Variants in SSBP2 observed in about 807,000 individuals in gnomAD.
SSBP2 encodes single-stranded DNA-binding protein 2.
A neutral mutation model predicts 61.8 loss-of-function variants in SSBP2; 17 were observed. The ratio of observed to expected loss-of-function variants is 0.28; its 90% CI spans 0.19 to 0.41. The LOEUF (loss-of-function observed/expected upper bound fraction) is 0.41. SSBP2 is among the 10% of genes least tolerant of loss of function. SSBP2 has a pLI of 1.00. For synonymous variants in SSBP2, 139 were observed against 141.3 expected (o/e 0.98, Z 0.12); for missense variants, 310 against 458.7 (o/e 0.68, Z 2.96).
chr5:81,476,194 T>G (rs1172328852), intron 6 of SSBP2, among the ~76,000 whole-genome samples: 1 of 152,074 alleles, frequency 6.6e-6, no homozygotes, highest in Non-Finnish European at 1.5e-5. Flanking sequence ...ATTCCCCCAA[T>G]AAGAATATTT....
intron 2 of SSBP2, among the ~76,000 whole-genome samples, chr5:81,645,760 A>C (rs553226250): frequency 1.3e-5 from 2 of 152,308 alleles, no homozygotes; most frequent in South Asian, 2.1e-4. Context: ...TGTATTGAGA[A>C]TATCTCTAAA....
At chr5:81,422,045 G>C (rs879465692) in intron 16 of SSBP2, among the ~76,000 whole-genome samples, 1 of 152,000 alleles carries the variant, frequency 6.6e-6, no homozygotes, top group Non-Finnish European at 1.5e-5. Flanking sequence ...TTTTTTAAAC[G>C]TTTTATTGGA....
intron 4 of SSBP2, 118 bp downstream of exon 4, chr5:81,615,355 G>C (rs1581172297): frequency 3.9e-6 from 3 of 768,208 alleles, no homozygotes; most frequent in East Asian, 5.4e-5. Context: ...AGAAAAAAGA[G>C]ACCAAACAAT....
intron 4 of SSBP2, among the ~76,000 whole-genome samples, chr5:81,565,958 G>C (rs13182474): frequency 0.39 from 59,926 of 151,926 alleles, 14,033 homozygotes; most frequent in African/African-American, 0.66. Context: ...ATTCAATTCA[G>C]AATAATGCTT....
At chr5:81,710,381 A>G (rs566856799) in intron 1 of SSBP2, among the ~76,000 whole-genome samples, 1 of 152,094 alleles carries the variant, frequency 6.6e-6, no homozygotes, top group Non-Finnish European at 1.5e-5. Flanking sequence ...CCAAAGAAAG[A>G]ATCTTGTGAT....
chr5:81,683,047 T>C (rs1752516465), intron 1 of SSBP2, among the ~76,000 whole-genome samples: 1 of 150,356 alleles, frequency 6.7e-6, no homozygotes, highest in South Asian at 2.1e-4. Flanking sequence ...ACCATGTTCA[T>C]GGAGAGGAAG....
At chr5:81,694,623 G>C (rs966771659) in intron 1 of SSBP2, among the ~76,000 whole-genome samples, 11 of 151,724 alleles carry the variant, frequency 7.3e-5, no homozygotes, top group Admixed American at 6.6e-4. Context: ...GCCCCATTCA[G>C]TCTCTATCCT....
chr5:81,526,570 C>T (rs552253072), intron 4 of SSBP2, among the ~76,000 whole-genome samples: 116 of 152,022 alleles, frequency 7.6e-4, no homozygotes, highest in African/African-American at 2.6e-3. Flanking sequence ...CAGTTGTTCA[C>T]ATAAAATGGC....
At chr5:81,582,671 A>G (rs1279623912) in intron 4 of SSBP2, among the ~76,000 whole-genome samples, 1 of 152,080 alleles carries the variant, frequency 6.6e-6, no homozygotes, top group African/African-American at 2.4e-5. Context: ...TTGGCTCACT[A>G]CAAACTCCAC....
At chr5:81,711,712 T>G (rs1754792482) in intron 1 of SSBP2, among the ~76,000 whole-genome samples, 1 of 151,904 alleles carries the variant, frequency 6.6e-6, no homozygotes, top group African/African-American at 2.4e-5. Flanking sequence ...AAATAAAACC[T>G]TTATCTCATC....
chr5:81,673,985 TAGA>T (rs1472134870), intron 1 of SSBP2, among the ~76,000 whole-genome samples: 1 of 152,158 alleles, frequency 6.6e-6, no homozygotes, highest in Non-Finnish European at 1.5e-5. Context: ...ATCCATTGAA[TAGA>T]GGTTTGAACC....
At chr5:81,636,782 T>C (rs1270679478) in intron 2 of SSBP2, among the ~76,000 whole-genome samples, 164 bp from the exon 3 acceptor site, 1 of 152,226 alleles carries the variant, frequency 6.6e-6, no homozygotes, top group East Asian at 1.9e-4. Flanking sequence ...TTACAAGTGA[T>C]TTGTTGACTG....
At chr5:81,718,883 C>T (rs988209487) in intron 1 of SSBP2, among the ~76,000 whole-genome samples, 2 of 152,044 alleles carry the variant, frequency 1.3e-5, no homozygotes, top group Admixed American at 6.6e-5. Flanking sequence ...GTTTGGACCA[C>T]GGAAATTGTA....
At chr5:81,696,752 AG>A (rs1022436501) in intron 1 of SSBP2, among the ~76,000 whole-genome samples, 2 of 152,174 alleles carry the variant, frequency 1.3e-5, no homozygotes, top group Non-Finnish European at 2.9e-5. Flanking sequence ...GGGTGGGCAG[AG>A]GGGGGCAGCA....
chr5:81,750,318 G>A (rs1757653796), intron 1 of SSBP2, among the ~76,000 whole-genome samples: 1 of 135,270 alleles, frequency 7.4e-6, no homozygotes, highest in African/African-American at 2.7e-5. Context: ...AGCTGGCCCA[G>A]GAAAGCCCGG....
At chr5:81,506,436 C>A (rs980298192) in intron 5 of SSBP2, among the ~76,000 whole-genome samples, 3 of 151,964 alleles carry the variant, frequency 2.0e-5, no homozygotes, top group Admixed American at 2.0e-4. Flanking sequence ...AGTTTCAGTA[C>A]CCTACTCATT....
chr5:81,680,060 C>G (rs1752271563), intron 1 of SSBP2, among the ~76,000 whole-genome samples: 2 of 151,674 alleles, frequency 1.3e-5, no homozygotes, highest in Admixed American at 6.6e-5. Context: ...TGAACTCAAA[C>G]AGAAACCGTT....
chr5:81,520,254 G>C (rs1358459303), intron 4 of SSBP2, among the ~76,000 whole-genome samples: 1 of 152,042 alleles, frequency 6.6e-6, no homozygotes, highest in Non-Finnish European at 1.5e-5. Context: ...CAAAGTGCTG[G>C]GATTATAGGC....
intron 3 of SSBP2, among the ~76,000 whole-genome samples, chr5:81,628,247 C>T (rs564565636): frequency 6.6e-6 from 1 of 152,044 alleles, no homozygotes; most frequent in Non-Finnish European, 1.5e-5. Context: ...GAAAGCTGAG[C>T]GAAGGGGGAA....
Sources: gnomAD v4.1 joint callset for allele counts (sites outside exome capture counted in the v4.1 genomes callset) on GRCh38, gnomAD v4.1.1 for gene constraint, MANE v1.5 for transcripts, NCBI Gene and HGNC (gene_info 2026-07-23, HGNC 2026-07-21) for gene names.